Variants in PPFIBP2 observed in about 807,000 individuals in gnomAD.
PPFIBP2 encodes liprin-beta-2.
In PPFIBP2, 118 loss-of-function variants were observed where a neutral mutation model predicts 118.3. That is an observed-to-expected ratio of 1.00 (90% CI 0.86 to 1.16). PPFIBP2 has a LOEUF of 1.16. PPFIBP2 is among the 50% of genes most tolerant of loss of function. The probability of loss-of-function intolerance (pLI) is 0.00; values close to 1 mark genes in which losing one functional copy is unlikely to be tolerated. For missense variants in PPFIBP2, 1,195 were observed against 1,073.1 expected (o/e 1.11, Z -1.59); for synonymous variants, 414 against 397.4 (o/e 1.04, Z -0.50).
chr11:7,534,430 T>C (rs1851023620), intron 1 of PPFIBP2, among the ~76,000 whole-genome samples: 2 of 152,248 alleles, frequency 1.3e-5, no homozygotes, highest in Non-Finnish European at 2.9e-5. Context: ...GAAGCATTTC[T>C]CTGAATCTGT....
intron 3 of PPFIBP2, among the ~76,000 whole-genome samples, chr11:7,581,900 A>G (rs1038428691): frequency 9.2e-5 from 14 of 151,932 alleles, no homozygotes; most frequent in African/African-American, 2.9e-4. Flanking sequence ...GCAGTGGCAC[A>G]ATCTTGGCTC....
At chr11:7,655,311 T>C (rs1590839979), downstream of PPFIBP2, 1 of 661,992 alleles carries the variant, frequency 1.5e-6, no homozygotes, top group Non-Finnish European at 2.3e-6. Flanking sequence ...ACTCCTTGCC[T>C]GTCCCTCCAG....
chr11:7,649,076 C>T, intron 19 of PPFIBP2, 71 bp from the exon 20 acceptor site: 1 of 1,469,564 alleles, frequency 6.8e-7, no homozygotes. Flanking sequence ...ATAATTTGCT[C>T]CCCTTTTTTT....
intron 5 of PPFIBP2, among the ~76,000 whole-genome samples, chr11:7,601,823 G>A (rs1846670991): frequency 1.3e-5 from 2 of 152,038 alleles, no homozygotes; most frequent in South Asian, 4.2e-4. Context: ...GACAGGTGTG[G>A]TGGTACATAA....
rs567539519 is a variant in PPFIBP2, at chr11:7,563,203, G to A, written c.65-2350G>A. ...CCTGACTCACTCTTCCCACATTTAT[G>A]AAATACTTAAACTGGATGGCTACGT... On this transcript the variant is annotated intron_variant, in intron 2 of 23. Transcript: ENST00000299492. 2.0e-5 allele frequency among the ~76,000 whole-genome samples: 3 copies of A among 152,114 alleles called. No homozygotes were observed. The East Asian group carries it at 5.8e-4, about 29-fold the overall frequency.
At chr11:7,532,944 G>T (rs1590137638) in intron 1 of PPFIBP2, among the ~76,000 whole-genome samples, 1 of 152,134 alleles carries the variant, frequency 6.6e-6, no homozygotes, top group South Asian at 2.1e-4. Context: ...TCCTCAGCAG[G>T]CAGCCAGGGA....
At chr11:7,603,552 C>T (rs1320715692) in intron 5 of PPFIBP2, among the ~76,000 whole-genome samples, 1 of 152,194 alleles carries the variant, frequency 6.6e-6, no homozygotes, top group Non-Finnish European at 1.5e-5. Flanking sequence ...CTGCAGTCCT[C>T]TGTCATTGGT....
In PPFIBP2 at chr11:7,639,742, T is replaced by C. The variant is rs780253449; in HGVS notation, c.1247T>C (p.Phe416Ser). 8 of 1,614,166 alleles carry C rather than the reference T, an allele frequency of 5.0e-6. No individual in the cohort carries two copies. Among genetic ancestry groups the C allele is most frequent in the Admixed American group, 3.3e-5 (2 of 60,020 alleles). The change falls in exon 15 of 24, where the codon TTC (phenylalanine) becomes TCC (serine). Residue 416 changes from phenylalanine to serine, a missense_variant. Phe to Ser is a radical substitution (Grantham distance 155, BLOSUM62 -2). Coordinates refer to ENST00000299492, the MANE Select transcript of PPFIBP2 (RefSeq NM_003621.5). ...CTCACCTTCCAATAGGACAGCCCTTTCTTGGCGGAGCACAAATATCCCACT... is the reference window on the plus strand; with the variant it reads ...CTCACCTTCCAATAGGACAGCCCTTCCTTGGCGGAGCACAAATATCCCACT... ...FPVLEPKDSPFLAEHKYPTLP... is the reference protein window; with the variant it reads ...FPVLEPKDSPSLAEHKYPTLP...
chr11:7,620,517 C>T (rs1849219598), intron 6 of PPFIBP2, among the ~76,000 whole-genome samples: 2 of 152,162 alleles, frequency 1.3e-5, no homozygotes, highest in Admixed American at 1.3e-4. Flanking sequence ...CCTTCACTCC[C>T]AGCACAGAGA....
intron 17 of PPFIBP2, among the ~76,000 whole-genome samples, chr11:7,642,985 G>T (rs1423572245): frequency 1.3e-5 from 2 of 152,150 alleles, no homozygotes; most frequent in Non-Finnish European, 2.9e-5. Flanking sequence ...TGAGACCTGG[G>T]ACCTTTCCAG....
At chr11:7,547,254 A>C (rs1408498133) in intron 1 of PPFIBP2, among the ~76,000 whole-genome samples, 2 of 152,106 alleles carry the variant, frequency 1.3e-5, no homozygotes, top group African/African-American at 4.8e-5. Flanking sequence ...ACAACTAGGA[A>C]GTGAGCTCAG....
Position 7,597,607 on chromosome 11 carries a change from A to G in PPFIBP2, c.420A>G (p.Arg140=). The part of the protein sequence containing the change: ...DQVEAQGEKI[R]DLEVCLEGHQ... ...TAGAAGCCCAGGGAGAAAAGATTCG[A>G]GACCTGGAAGTGTGTCTGGAAGGAC... Residue 140 remains arginine, a synonymous_variant, in exon 5 of 24, where the codon CGA becomes CGG. Coordinates refer to ENST00000299492, the MANE Select transcript of PPFIBP2 (RefSeq NM_003621.5). 1.9e-6 allele frequency: 3 copies of G among 1,614,114 alleles called. No individual in the cohort carries two copies. The highest frequency in any genetic ancestry group is 2.5e-6 in the Non-Finnish European group (3 of 1,180,024).
rs1173874762 is a variant in PPFIBP2 at position 7,600,595 on chromosome 11, T to C, written c.486+2922T>C. ...TTCTGCCAGCCTCAGAAACCATTCC[T>C]GCCTGGAGCCAAGGCGAGCCTGCTG... On this transcript the variant is annotated intron_variant, in intron 5 of 23. Transcript: ENST00000299492. Among the ~76,000 whole-genome samples, 5 of 152,344 alleles carry C rather than the reference T, an allele frequency of 3.3e-5. No homozygotes were observed. The East Asian group carries it at 9.6e-4, about 29-fold the overall frequency.
At chr11:7,645,745 T>G (rs533873442) in intron 17 of PPFIBP2, among the ~76,000 whole-genome samples, 1 of 152,230 alleles carries the variant, frequency 6.6e-6, no homozygotes, top group African/African-American at 2.4e-5. Flanking sequence ...TTTGAAAAGG[T>G]CGATAGCACA....
chr11:7,617,770 T>G (rs1590626591), intron 6 of PPFIBP2, among the ~76,000 whole-genome samples: 1 of 152,230 alleles, frequency 6.6e-6, no homozygotes, highest in East Asian at 1.9e-4. Context: ...AAAAATAAAA[T>G]ACAAGTTTTC....
intron 6 of PPFIBP2, chr11:7,617,295 G>A (rs1652214067): frequency 1.0e-6 from 1 of 985,440 alleles, no homozygotes; most frequent in Non-Finnish European, 1.2e-6. Context: ...GGGGTCACCT[G>A]TAGGAACCAC....
chr11:7,626,161 C>G (rs1189398540), intron 8 of PPFIBP2, among the ~76,000 whole-genome samples: 1 of 152,206 alleles, frequency 6.6e-6, no homozygotes, highest in Non-Finnish European at 1.5e-5. Flanking sequence ...CACAGAAGTT[C>G]TGTGCAGCCA....
intron 3 of PPFIBP2, among the ~76,000 whole-genome samples, chr11:7,591,769 A>G (rs909530787): frequency 6.6e-6 from 1 of 152,202 alleles, no homozygotes; most frequent in African/African-American, 2.4e-5. Context: ...TGCACCTTCA[A>G]CAAACAATCA....
chr11:7,577,616 A>G (rs1276872135), intron 3 of PPFIBP2: 4 of 456,176 alleles, frequency 8.8e-6, no homozygotes, highest in African/African-American at 8.0e-5. Flanking sequence ...GATGTTTACA[A>G]GCATTTCTCG....
Sources: allele counts gnomAD v4.1 joint callset (sites outside exome capture counted in the v4.1 genomes callset), GRCh38; gene constraint gnomAD v4.1.1; transcripts MANE v1.5; gene names NCBI Gene and HGNC (gene_info 2026-07-23, HGNC 2026-07-21).